Variants in KCNQ3 observed in about 807,000 individuals in gnomAD.
The protein encoded by KCNQ3 is potassium voltage-gated channel subfamily Q member 3.
KCNQ3 carries 30 observed loss-of-function variants against 92.5 expected under a neutral mutation model. The ratio of observed to expected loss-of-function variants is 0.32; its 90% CI spans 0.24 to 0.44. The LOEUF is 0.44. Among genes scored for constraint, KCNQ3 ranks in the 20% least tolerant of loss-of-function variants. The pLI, the probability that KCNQ3 is intolerant of heterozygous loss-of-function variation, is 1.00. For missense variants in KCNQ3, 913 were observed against 1,140.3 expected, an observed-to-expected ratio of 0.80 and a Z score of 2.87; for synonymous variants, 450 against 468.8, an observed-to-expected ratio of 0.96 and a Z score of 0.52.
chr8:132,462,201 A>ATTTAT (rs1554659383), intron 1 of KCNQ3, among the ~76,000 whole-genome samples: 6 of 136,256 alleles, frequency 4.4e-5, no homozygotes, highest in Admixed American at 3.7e-4. Context: ...TTATTTATTT[A>ATTTAT]TTTATTTTAT....
chr8:132,145,481 A>G (rs2130951647), intron 9 of KCNQ3, among the ~76,000 whole-genome samples: 1 of 152,350 alleles, frequency 6.6e-6, no homozygotes, highest in Non-Finnish European at 1.5e-5. Context: ...CTCAGATTCA[A>G]TTTCATCTGT....
At chr8:132,403,459 A>G (rs1820401833) in intron 1 of KCNQ3, among the ~76,000 whole-genome samples, 1 of 152,220 alleles carries the variant, frequency 6.6e-6, no homozygotes, top group South Asian at 2.1e-4. Context: ...TTCGAGGAGC[A>G]ACAGCAGCTT....
At chr8:132,448,471 C>T (rs1264808262) in intron 1 of KCNQ3, among the ~76,000 whole-genome samples, 1 of 123,972 alleles carries the variant, frequency 8.1e-6, no homozygotes, top group Non-Finnish European at 1.6e-5. Flanking sequence ...GAACAAGAAG[C>T]TGAGCTCTAA....
At chr8:132,230,327 C>T (rs1814593205) in intron 1 of KCNQ3, among the ~76,000 whole-genome samples, 1 of 152,034 alleles carries the variant, frequency 6.6e-6, no homozygotes, top group Non-Finnish European at 1.5e-5. Context: ...AGCCCCCCCG[C>T]CCACTAGAGC....
chr8:132,236,386 G>C (rs144180661), intron 1 of KCNQ3, among the ~76,000 whole-genome samples: 44 of 152,266 alleles, frequency 2.9e-4, no homozygotes, highest in African/African-American at 1.0e-3. Context: ...GAAGCTCGCA[G>C]GGATTCAAAT....
chr8:132,175,307 C>G (rs139710874), intron 5 of KCNQ3, 146 bp downstream of exon 5: 2 of 869,340 alleles, frequency 2.3e-6, no homozygotes, highest in African/African-American at 3.3e-5. Flanking sequence ...CTTCTGTCAG[C>G]AGGTTCTGAG....
intron 1 of KCNQ3, among the ~76,000 whole-genome samples, chr8:132,242,795 T>C (rs1197609617): frequency 1.3e-5 from 2 of 152,252 alleles, no homozygotes; most frequent in African/African-American, 2.4e-5. Context: ...TGACATTACA[T>C]TTCTGTGAAA....
chr8:132,273,591 T>G (rs1026787859), intron 1 of KCNQ3, among the ~76,000 whole-genome samples: 7 of 152,264 alleles, frequency 4.6e-5, no homozygotes, highest in Admixed American at 3.3e-4. Flanking sequence ...TGCACATTTC[T>G]ATAGTGGGCC....
At chr8:132,392,184 C>G (rs6471066) in intron 1 of KCNQ3, among the ~76,000 whole-genome samples, 26,285 of 152,128 alleles carry the variant, frequency 0.17, 2,440 homozygotes, top group Non-Finnish European at 0.2. Context: ...TCAAAGAGGA[C>G]AGTGGTTCTT....
chr8:132,170,849 A>G (rs79548718), intron 7 of KCNQ3, among the ~76,000 whole-genome samples: 2 of 130,106 alleles, frequency 1.5e-5, no homozygotes, highest in African/African-American at 3.2e-5. Context: ...TCATCTCTAC[A>G]AAAAAAAAAA....
chr8:132,229,366 C>A (rs1247155202), intron 1 of KCNQ3, among the ~76,000 whole-genome samples: 1 of 151,964 alleles, frequency 6.6e-6, no homozygotes. Flanking sequence ...AAGCCAGTGG[C>A]AATGGACAGC....
At chr8:132,226,529 A>T (rs1814426221) in intron 1 of KCNQ3, among the ~76,000 whole-genome samples, 1 of 152,204 alleles carries the variant, frequency 6.6e-6, no homozygotes, top group Admixed American at 6.5e-5. Flanking sequence ...AATTATAATA[A>T]TTTCCAAGAA....
At chr8:132,371,653 G>A (rs907713663) in intron 1 of KCNQ3, among the ~76,000 whole-genome samples, 2 of 152,178 alleles carry the variant, frequency 1.3e-5, no homozygotes, top group African/African-American at 2.4e-5. Context: ...CAGGGAAGGC[G>A]ATCCTTGTCT....
intron 1 of KCNQ3, among the ~76,000 whole-genome samples, chr8:132,383,920 G>A (rs997480885): frequency 2.6e-5 from 4 of 152,244 alleles, no homozygotes. Flanking sequence ...GAAAAATAAG[G>A]GTTAAATGAG....
At chr8:132,386,443 TATTA>T (rs757801466) in intron 1 of KCNQ3, among the ~76,000 whole-genome samples, 4 of 152,098 alleles carry the variant, frequency 2.6e-5, no homozygotes, top group Non-Finnish European at 5.9e-5. Context: ...ATCTCAAAAA[TATTA>T]ATTATAGCTA....
intron 1 of KCNQ3, among the ~76,000 whole-genome samples, chr8:132,197,267 T>C (rs1827325132): frequency 6.6e-6 from 1 of 152,220 alleles, no homozygotes; most frequent in African/African-American, 2.4e-5. Context: ...TGGTGGAGGC[T>C]TCTGCCTAGG....
chr8:132,373,374 T>G (rs370681369), intron 1 of KCNQ3, among the ~76,000 whole-genome samples: 9 of 152,148 alleles, frequency 5.9e-5, no homozygotes, highest in African/African-American at 2.2e-4. Flanking sequence ...AGATGGGCCT[T>G]AAAACGCTAC....
chr8:132,184,123 A>G, intron 3 of KCNQ3, 118 bp downstream of exon 3: 2 of 1,281,220 alleles, frequency 1.6e-6, no homozygotes, highest in African/African-American at 2.9e-5. Context: ...TCAGGGGCTG[A>G]GCTGGCCTCC....
Position 132,129,916 on chromosome 8 carries a change from C to A in KCNQ3, c.1965G>T (p.Thr655=). The A allele has an allele frequency of 6.2e-7, 1 of 1,614,124 alleles. No individual in the cohort carries two copies. The highest frequency in any genetic ancestry group is 8.5e-7 in the Non-Finnish European group (1 of 1,180,026). ...AGGTGCCCTTGGTTGGGTAATACTC[C>A]GTGACCTGCACCTGCAACCGTTCCA... ...QHMERLQVQV[T]EYYPTKGTSS... The change falls in exon 15 of 15, where the codon ACG becomes ACT. Residue 655 remains threonine, a synonymous_variant. Coordinates refer to ENST00000388996, the MANE Select transcript of KCNQ3 (RefSeq NM_004519.4). This position sits in a 1 kb window ranked among gnomAD's most constrained non-coding sequence, Gnocchi z 5.9.
Sources: allele counts gnomAD v4.1 joint callset (sites outside exome capture counted in the v4.1 genomes callset), GRCh38; gene constraint gnomAD v4.1.1; non-coding constraint Gnocchi (gnomAD v3.1); transcripts MANE v1.5; gene names NCBI Gene and HGNC (gene_info 2026-07-23, HGNC 2026-07-21).